GABBR2: variants seen among roughly 807,000 people sequenced by gnomAD.
GABBR2 encodes G-protein coupled receptor 51.
In GABBR2, 23 loss-of-function variants were observed where a neutral mutation model predicts 105.6. The ratio of observed to expected loss-of-function variants is 0.22; its 90% CI spans 0.16 to 0.31. The LOEUF is 0.31. Ranked by LOEUF, GABBR2 falls within the 10% of genes least tolerant of loss-of-function variation. GABBR2 has a pLI of 1.00. For synonymous variants in GABBR2, 478 were observed against 499.7 expected (o/e 0.96, Z 0.58); for missense variants, 734 against 1,245.5 (o/e 0.59, Z 6.18).
Position 98,508,725 on chromosome 9 carries a change from C to T in GABBR2, c.631-12211G>A, listed in dbSNP as rs567801729. The stretch of plus-strand genomic sequence containing the variant: ...ACAGCGAGGCTGGGGGAGGGGCGCC[C>T]GCCACTGCTGAGTTAGTTGTTTGAT... On this transcript the variant is annotated intron_variant, in intron 3 of 18. Coordinates refer to ENST00000259455, the MANE Select transcript of GABBR2 (RefSeq NM_005458.8). Among the ~76,000 whole-genome samples the T allele has an allele frequency of 5.1e-3, 778 of 152,142 alleles. 10 individuals are homozygous for T. Among genetic ancestry groups the T allele is most frequent in the African/African-American group, 0.017 (709 of 41,528 alleles).
At chr9:98,331,532 T>C (rs1217988281) in intron 13 of GABBR2, among the ~76,000 whole-genome samples, 1 of 151,650 alleles carries the variant, frequency 6.6e-6, no homozygotes, top group East Asian at 1.9e-4. Context: ...TCAATTAACT[T>C]GTCCCCCTGG....
chr9:98,346,661 C>T (rs924631678), intron 13 of GABBR2, among the ~76,000 whole-genome samples: 4 of 152,220 alleles, frequency 2.6e-5, no homozygotes, highest in East Asian at 1.9e-4. Context: ...CTGCAGAACA[C>T]GGGAATTCAT....
intron 17 of GABBR2, among the ~76,000 whole-genome samples, chr9:98,297,484 G>A (rs1443020312): frequency 2.6e-5 from 4 of 151,870 alleles, no homozygotes; most frequent in African/African-American, 7.3e-5. Flanking sequence ...GCAGTGGCAG[G>A]CACCTGTAAT....
intron 17 of GABBR2, among the ~76,000 whole-genome samples, chr9:98,294,523 A>C (rs896218636): frequency 6.7e-6 from 1 of 150,352 alleles, no homozygotes; most frequent in African/African-American, 2.5e-5. Flanking sequence ...TGTCACTCAG[A>C]TCGTGCCACC....
At chr9:98,621,211 T>C (rs774013719) in intron 1 of GABBR2, among the ~76,000 whole-genome samples, 1 of 152,148 alleles carries the variant, frequency 6.6e-6, no homozygotes, top group Non-Finnish European at 1.5e-5. Flanking sequence ...GAGAGGGGAC[T>C]CAAGGCTCAG....
chr9:98,465,894 T>A (rs1330400022), intron 6 of GABBR2, among the ~76,000 whole-genome samples: 1 of 152,206 alleles, frequency 6.6e-6, no homozygotes, highest in Admixed American at 6.5e-5. Context: ...CATGTCAAAT[T>A]GCAATCCCCA....
chr9:98,379,726 A>G (rs1190482229), intron 11 of GABBR2, among the ~76,000 whole-genome samples: 1 of 152,224 alleles, frequency 6.6e-6, no homozygotes, highest in Non-Finnish European at 1.5e-5. Flanking sequence ...CAGGCACTAG[A>G]TGCTTTACAT....
chr9:98,707,321 T>TG (rs1337933758), intron 1 of GABBR2: 1 of 152,278 alleles, frequency 6.6e-6, no homozygotes, highest in African/African-American at 2.4e-5. Context: ...TTCCGCGCGA[T>TG]GGAAGAGGCG....
chr9:98,393,034 CCATCCAT>C (rs1832214438), intron 9 of GABBR2, among the ~76,000 whole-genome samples: 1 of 42,820 alleles, frequency 2.3e-5, no homozygotes, highest in Non-Finnish European at 6.3e-5. Context: ...ATCCACCCAT[CCATCCAT>C]CCATCCATCC....
At chr9:98,637,758 C>T (rs1159908372) in intron 1 of GABBR2, among the ~76,000 whole-genome samples, 1 of 152,180 alleles carries the variant, frequency 6.6e-6, no homozygotes, top group Non-Finnish European at 1.5e-5. Context: ...AGAAGGAAAG[C>T]AGCTCTGCTG....
At chr9:98,463,332 C>G (rs907583560) in intron 6 of GABBR2, among the ~76,000 whole-genome samples, 2 of 152,184 alleles carry the variant, frequency 1.3e-5, no homozygotes, top group African/African-American at 4.8e-5. Context: ...AATTGATCTA[C>G]AGATTCAGTA....
At chr9:98,707,865 C>G (rs143225379) in intron 1 of GABBR2, among the ~76,000 whole-genome samples, 206 of 152,360 alleles carry the variant, frequency 1.4e-3, no homozygotes, top group African/African-American at 4.7e-3. Flanking sequence ...GGAGCGGGCT[C>G]AGAGCTGCTG....
intron 3 of GABBR2, among the ~76,000 whole-genome samples, chr9:98,508,080 C>G (rs1269094788): frequency 6.6e-6 from 1 of 152,072 alleles, no homozygotes; most frequent in Non-Finnish European, 1.5e-5. Flanking sequence ...GTTCCAGACT[C>G]GAGGGACCAA....
intron 8 of GABBR2, among the ~76,000 whole-genome samples, chr9:98,400,013 A>G (rs1298907164): frequency 7.4e-6 from 1 of 134,450 alleles, no homozygotes; most frequent in Non-Finnish European, 1.5e-5. Context: ...TCCCACCTCC[A>G]TGAAAAAAAA....
At chr9:98,672,482 G>C (rs1196167741) in intron 1 of GABBR2, among the ~76,000 whole-genome samples, 1 of 152,226 alleles carries the variant, frequency 6.6e-6, no homozygotes, top group Admixed American at 6.5e-5. Context: ...TACACTCAAA[G>C]TTTGAATCTA....
At chr9:98,413,441 A>C (rs1832624833) in intron 7 of GABBR2, among the ~76,000 whole-genome samples, 1 of 150,728 alleles carries the variant, frequency 6.6e-6, no homozygotes, top group Non-Finnish European at 1.5e-5. Flanking sequence ...TGTAAAGTTT[A>C]AAAAATATTC....
chr9:98,291,901 T>C (rs1242229770), intron 18 of GABBR2, among the ~76,000 whole-genome samples: 6 of 152,182 alleles, frequency 3.9e-5, no homozygotes, highest in Admixed American at 6.5e-5. Context: ...TACTCAGAAA[T>C]GAAGCCAGAA....
At chr9:98,649,669 T>G (rs1830078338) in intron 1 of GABBR2, among the ~76,000 whole-genome samples, 1 of 152,112 alleles carries the variant, frequency 6.6e-6, no homozygotes, top group Non-Finnish European at 1.5e-5. Context: ...GCCGCAACAA[T>G]ACAAAATATG....
chr9:98,367,213 C>T (rs1421172677), intron 12 of GABBR2, among the ~76,000 whole-genome samples: 1 of 135,966 alleles, frequency 7.4e-6, no homozygotes, highest in African/African-American at 2.8e-5. Context: ...GGGAGCTATG[C>T]AAAGAAGAAA....
Sources: allele counts gnomAD v4.1 joint callset (sites outside exome capture counted in the v4.1 genomes callset), GRCh38; gene constraint gnomAD v4.1.1; transcripts MANE v1.5; gene names NCBI Gene and HGNC (gene_info 2026-07-23, HGNC 2026-07-21).